The following POLR1A variants were observed in gnomAD, a reference collection of about 807,000 sequenced individuals.
POLR1A encodes RNA polymerase I subunit A.
POLR1A carries 84 observed loss-of-function variants against 205.3 expected under a neutral mutation model. The ratio of observed to expected loss-of-function variants is 0.41; its 90% confidence interval spans 0.34 to 0.49. The LOEUF (loss-of-function observed/expected upper bound fraction) is 0.49. POLR1A is among the 20% of genes least tolerant of loss of function. The pLI is 0.22. For missense variants in POLR1A, 1,645 were observed against 2,204.5 expected (o/e 0.75, Z 5.08); for synonymous variants, 799 against 863.7 (o/e 0.93, Z 1.31).
intron 18 of POLR1A, 48 bp downstream of exon 18, chr2:86,048,836 A>AG (rs1558768299): frequency 1.3e-6 from 2 of 1,545,986 alleles, no homozygotes. Context: ...TTTTTTAAAA[A>AG]TCAGCATTCA....
At position 86,028,520 on chromosome 2, in the gene POLR1A, G is replaced by A. The variant is rs1014643528; in HGVS notation, c.4897+74C>T. ...CTCGGTGCTGGACCGACACGGTCCT[G>A]ACCCTCCTGCCGAGCCTTCTGGTGT... On this transcript the variant is annotated intron_variant, in intron 32 of 33. Coordinates refer to ENST00000263857, the MANE Select transcript of POLR1A (RefSeq NM_015425.6). This position sits in a 1 kb window ranked among gnomAD's most constrained non-coding sequence, Gnocchi z 4.5. 6 of 1,062,138 alleles carry A rather than the reference G, an allele frequency of 5.6e-6. No homozygotes were observed. Among genetic ancestry groups the A allele is most frequent in the Non-Finnish European group, 8.9e-6 (6 of 677,556 alleles). 65.8% of individuals were successfully genotyped at this position (1,062,138 alleles called of 1,614,324 possible).
intron 3 of POLR1A, among the ~76,000 whole-genome samples, chr2:86,095,677 A>C (rs1287478245): frequency 1.3e-5 from 2 of 152,150 alleles, no homozygotes; most frequent in Non-Finnish European, 2.9e-5. Flanking sequence ...AAGGCATCCA[A>C]ACTGAAAAGA....
At chr2:86,065,585 G>A (rs1469103125) in intron 13 of POLR1A, 120 bp from the exon 14 acceptor site, 2 of 787,306 alleles carry the variant, frequency 2.5e-6, no homozygotes, top group Non-Finnish European at 4.1e-6. Flanking sequence ...TCCCTGTCTT[G>A]TCTTGCCCAC....
rs780504459 is a variant in POLR1A at position 86,028,595 on chromosome 2, A to G, written c.4896T>C (p.Tyr1632=). 22 of 1,611,294 alleles carry G rather than the reference A, an allele frequency of 1.4e-5. 3 individuals carry two copies. In the South Asian group the frequency reaches 2.1e-4, roughly 15 times the overall value. ...GTGTTATCTGCAAGCTCCCCTTACC[A>G]TACACGGCAAACACATCCTTGATCT... ...EKEIKDVFAV[Y]GIAVDPRHLS... is the part of the protein sequence containing the mutation. The change falls in exon 32 of 34, where the codon TAT becomes TAC. Residue 1632 remains tyrosine (Y), a splice_region_variant and synonymous_variant. Coordinates refer to ENST00000263857, the MANE Select transcript of POLR1A (RefSeq NM_015425.6). This position sits in a 1 kb window ranked among gnomAD's most constrained non-coding sequence, Gnocchi z 4.5.
chr2:86,040,337 C>G, intron 25 of POLR1A, 55 bp downstream of exon 25: 1 of 1,399,222 alleles, frequency 7.1e-7, no homozygotes, highest in South Asian at 1.6e-5. Context: ...TAAATGGCCC[C>G]TTCTCCAGGA....
chr2:86,090,484 GA>G (rs1419300617), intron 3 of POLR1A, among the ~76,000 whole-genome samples: 2 of 151,420 alleles, frequency 1.3e-5, no homozygotes, highest in Non-Finnish European at 2.9e-5. Context: ...AAAGAGCCAA[GA>G]TAGGTTAAAA....
intron 16 of POLR1A, among the ~76,000 whole-genome samples, chr2:86,050,736 C>T (rs1319269157): frequency 6.6e-6 from 1 of 152,172 alleles, no homozygotes; most frequent in Non-Finnish European, 1.5e-5. Context: ...CTGATTTTTT[C>T]TAGTTAGCAG....
At chr2:86,061,615 G>A (rs1401182563) in intron 14 of POLR1A, among the ~76,000 whole-genome samples, 2 of 152,230 alleles carry the variant, frequency 1.3e-5, no homozygotes, top group Admixed American at 6.5e-5. Flanking sequence ...ATGAAGGTAA[G>A]TGAAGACAAC....
rs1672670640 is a variant in POLR1A at position 86,044,169 on chromosome 2, C to T, written c.3105G>A (p.Lys1035=). The part of the protein sequence containing the change: ...DIPKTQFLQP[K]QFPFLASNYE... ...AGTTGCTGGCCAGGAAGGGGAACTG[C>T]TTGGGCTGCAGGAACTGTGTCTTGG... The change falls in exon 22 of 34, where the codon AAG becomes AAA. Residue 1035 remains lysine (K), a synonymous_variant. Transcript: ENST00000263857. 1 of 1,614,194 alleles carries T rather than the reference C, an allele frequency of 6.2e-7. No individual in the cohort carries two copies.
At chr2:86,039,722 C>A (rs1438521785) in intron 25 of POLR1A, among the ~76,000 whole-genome samples, 1 of 152,212 alleles carries the variant, frequency 6.6e-6, no homozygotes, top group African/African-American at 2.4e-5. Flanking sequence ...TCACCTGTGC[C>A]TTGCAAACAA....
chr2:86,083,448 A>T (rs1673441005), intron 6 of POLR1A, among the ~76,000 whole-genome samples: 1 of 151,330 alleles, frequency 6.6e-6, no homozygotes. Context: ...TATCACTTTT[A>T]TATATTGTTT....
Position 86,026,696 on chromosome 2 carries a change from T to C in POLR1A, c.*727A>G, listed in dbSNP as rs1401526324. ...CGCCCCAGCAGTGACCTGGGTTCTA[T>C]GTGTGGGAGTGAACTGCTGCGGCCC... On this transcript the variant is annotated 3_prime_UTR_variant, in exon 34 of 34. Transcript: ENST00000263857. The C allele has an allele frequency of 1.3e-5, 2 of 152,580 alleles. No homozygotes were observed. Among genetic ancestry groups the C allele is most frequent in the Admixed American group, 6.5e-5 (1 of 15,314 alleles). The allele number at this position is 152,580 out of a possible 1,614,324, so 9.5% of individuals were successfully genotyped here.
At chr2:86,045,182 C>G in intron 21 of POLR1A, 96 bp downstream of exon 21, 3 of 841,744 alleles carry the variant, frequency 3.6e-6, no homozygotes, top group Non-Finnish European at 1.9e-6. Context: ...TTTTTTCATC[C>G]AAGGAATCTT....
intron 6 of POLR1A, among the ~76,000 whole-genome samples, chr2:86,083,522 G>C (rs1256059712): frequency 2.6e-5 from 4 of 151,792 alleles, no homozygotes; most frequent in Non-Finnish European, 5.9e-5. Flanking sequence ...GATTTATTTT[G>C]CACACTACTT....
In POLR1A at chr2:86,048,876, G is replaced by GTC; in HGVS notation, c.2634+7_2634+8insGA. ...GGTGGGGATAAATGCATGCAATGCT[G>GTC]GGCTAACCTTGTTAATCTCATTGCT... On this transcript the variant is annotated splice_region_variant and intron_variant, in intron 18 of 33. Coordinates refer to ENST00000263857, the MANE Select transcript of POLR1A (RefSeq NM_015425.6). 6.2e-7 allele frequency: 1 copy of GTC among 1,611,786 alleles called. No homozygotes were observed. The highest frequency in any genetic ancestry group is 8.5e-7 in the Non-Finnish European group (1 of 1,177,902).
intron 21 of POLR1A, among the ~76,000 whole-genome samples, chr2:86,044,612 C>T (rs532598814): frequency 1.3e-5 from 2 of 152,290 alleles, no homozygotes; most frequent in East Asian, 3.9e-4. Context: ...CTGTCTGCCC[C>T]TACACTCTCC....
intron 14 of POLR1A, among the ~76,000 whole-genome samples, chr2:86,061,241 G>A (rs981618977): frequency 1.3e-5 from 2 of 152,188 alleles, no homozygotes; most frequent in Non-Finnish European, 2.9e-5. Flanking sequence ...AAGGTCAGGA[G>A]TTTGAGACCA....
chr2:86,034,746 AAGAC>A (rs558493468), intron 27 of POLR1A, among the ~76,000 whole-genome samples: 107 of 152,180 alleles, frequency 7.0e-4, no homozygotes, highest in Non-Finnish European at 1.3e-3. Flanking sequence ...CAAGGACGAA[AAGAC>A]AGACTCCAGG....
chr2:86,061,515 C>G (rs1361386591), intron 14 of POLR1A, among the ~76,000 whole-genome samples: 3 of 152,154 alleles, frequency 2.0e-5, no homozygotes, highest in Non-Finnish European at 4.4e-5. Context: ...TAATTCCATG[C>G]CTCAATAGTT....
Sources: gnomAD v4.1 joint callset for allele counts (sites outside exome capture counted in the v4.1 genomes callset) on GRCh38, gnomAD v4.1.1 for gene constraint, Gnocchi (gnomAD v3.1) non-coding constraint, MANE v1.5 for transcripts, NCBI Gene and HGNC (gene_info 2026-07-23, HGNC 2026-07-21) for gene names.